The following CLRN2 variants were observed in gnomAD, a reference collection of about 807,000 sequenced individuals.
CLRN2 encodes the protein clarin-2.
Under a neutral mutation model 20.1 loss-of-function variants are expected in CLRN2, and 17 were observed. The ratio of observed to expected loss-of-function variants is 0.85; its 90% CI spans 0.58 to 1.27. The LOEUF (loss-of-function observed/expected upper bound fraction) is 1.27. Among genes scored for constraint, CLRN2 ranks in the 50% most tolerant of loss-of-function variants. The pLI is 0.00. For missense variants in CLRN2, 288 were observed against 299.5 expected (o/e 0.96, Z 0.28); for synonymous variants, 140 against 126.9 (o/e 1.10, Z -0.70).
chr4:17,526,757 C>A, intron 2 of CLRN2, 60 bp from the exon 3 acceptor site: 1 of 1,591,672 alleles, frequency 6.3e-7, no homozygotes, highest in African/African-American at 1.3e-5. Flanking sequence ...CACAGAAATG[C>A]CACCTCTTAC....
At chr4:17,524,936 C>A (rs932415461) in intron 2 of CLRN2, among the ~76,000 whole-genome samples, 4 of 151,888 alleles carry the variant, frequency 2.6e-5, no homozygotes, top group African/African-American at 7.3e-5. Context: ...CAGAGCGAAA[C>A]CTTGTCTCAA....
At chr4:17,523,329 C>G (rs1231372314) in intron 2 of CLRN2, among the ~76,000 whole-genome samples, 1 of 151,848 alleles carries the variant, frequency 6.6e-6, no homozygotes, top group Non-Finnish European at 1.5e-5. Context: ...ATCTTCCCAC[C>G]TCAGGCCCCC....
chr4:17,527,003 C>T lies in CLRN2; in HGVS notation c.620C>T (p.Ala207Val), dbSNP rs756946847. The part of the protein sequence containing the change: ...SAHAANLVVV[A>V]ISQIPLPEIK... ...CATGCTGCAAACTTGGTCGTGGTGG[C>T]GATCAGTCAAATTCCCCTCCCTGAG... The change falls in exon 3 of 3, where the codon GCG becomes GTG. Residue 207 changes from alanine (A) to valine (V), a missense_variant. Transcript: ENST00000511148. 9.7e-5 allele frequency: 156 copies of T among 1,613,788 alleles called. No individual in the cohort carries two copies. Among genetic ancestry groups the T allele is most frequent in the South Asian group, 9.4e-4 (86 of 91,080 alleles).
chr4:17,517,657 A>C (rs1310896155), intron 1 of CLRN2, among the ~76,000 whole-genome samples: 1 of 152,168 alleles, frequency 6.6e-6, no homozygotes, highest in African/African-American at 2.4e-5. Context: ...CCCTGGGTTC[A>C]TCTAACGTGG....
At chr4:17,516,565 A>T (rs1322578746) in intron 1 of CLRN2, among the ~76,000 whole-genome samples, 1 of 152,194 alleles carries the variant, frequency 6.6e-6, no homozygotes, top group Non-Finnish European at 1.5e-5. Context: ...GACAAATATA[A>T]TACAAATTGT....
chr4:17,521,009 T>G (rs1269191007), intron 1 of CLRN2, among the ~76,000 whole-genome samples: 1 of 151,860 alleles, frequency 6.6e-6, no homozygotes, highest in Non-Finnish European at 1.5e-5. Context: ...CAGAACAAGA[T>G]TCTGTCTTTA....
rs200144103 is a variant in CLRN2 at position 17,515,502 on chromosome 4, G to T, written c.236G>T (p.Arg79Leu). The T allele has an allele frequency of 4.6e-5, 74 of 1,613,776 alleles. No homozygotes were observed. In the East Asian group the frequency reaches 1.6e-3, roughly 36 times the overall value. ...CKVRQCGLGG[R>L]QSQFTIFPHL... Reference sequence around the variant, plus strand: ...GTGCGGCAGTGTGGGCTTGGGGGCCGCCAATCCCAATTCACGAGTGAGTAT... The same window carrying T: ...GTGCGGCAGTGTGGGCTTGGGGGCCTCCAATCCCAATTCACGAGTGAGTAT... Residue 79 changes from arginine to leucine, a missense_variant, in exon 1 of 3, where the codon CGC becomes CTC. Arg to Leu is a moderately radical substitution (Grantham distance 102). Coordinates refer to ENST00000511148, the MANE Select transcript of CLRN2 (RefSeq NM_001079827.2).
chr4:17,522,099 T>A (rs1195870508), intron 1 of CLRN2, among the ~76,000 whole-genome samples: 1 of 152,230 alleles, frequency 6.6e-6, no homozygotes, highest in African/African-American at 2.4e-5. Context: ...CCTGTGGGTA[T>A]AAGGAGTTTA....
Position 17,522,904 on chromosome 4 carries a change from T to C in CLRN2, c.294T>C (p.His98=), listed in dbSNP as rs2109002869. The change falls in exon 2 of 3, where the codon CAT becomes CAC. Residue 98 remains histidine, a synonymous_variant. Transcript: ENST00000511148. ...TGAAGGAGCTCAACGCAGGCCTTCA[T>C]GTGATGATTCTGCTGCTCCTCTTCC... The part of the protein sequence containing the change: ...HLVKELNAGL[H]VMILLLLFLA... The C allele has an allele frequency of 6.2e-7, 1 of 1,613,994 alleles. No homozygotes were observed. Among genetic ancestry groups the C allele is most frequent in the East Asian group, 2.2e-5 (1 of 44,878 alleles).
At chr4:17,516,839 G>C (rs1711687685) in intron 1 of CLRN2, among the ~76,000 whole-genome samples, 1 of 152,178 alleles carries the variant, frequency 6.6e-6, no homozygotes, top group Non-Finnish European at 1.5e-5. Context: ...GGACTTTAGG[G>C]GTCAAGAAAA....
At chr4:17,526,351 G>C (rs1711974399) in intron 2 of CLRN2, among the ~76,000 whole-genome samples, 1 of 152,194 alleles carries the variant, frequency 6.6e-6, no homozygotes, top group Admixed American at 6.5e-5. Context: ...CTTGAGGTGA[G>C]GAGTTCGAGA....
At chr4:17,515,582 G>A in intron 1 of CLRN2, 63 bp downstream of exon 1, 3 of 1,555,442 alleles carry the variant, frequency 1.9e-6, no homozygotes, top group Non-Finnish European at 2.6e-6. Flanking sequence ...GTGTAAGAGT[G>A]CTTATGTCTC....
Position 17,526,860 on chromosome 4 carries a change from GA to G in CLRN2, c.480del (p.Lys160AsnfsTer5). ...LAIASFVAAV[K>X]FHDLTERIAN... ...CCATCGCCAGCTTCGTGGCTGCGGT[GA>G]AATTTCACGACCTGACGGAACGAAT... On this transcript the variant is annotated frameshift_variant, in exon 3 of 3. Transcript: ENST00000511148. LOFTEE classifies it high-confidence loss of function. 1 of 1,614,004 alleles carries G rather than the reference GA, an allele frequency of 6.2e-7. No homozygotes were observed. Among genetic ancestry groups the G allele is most frequent in the South Asian group, 1.1e-5 (1 of 91,086 alleles).
chr4:17,515,471 T>A lies in CLRN2; in HGVS notation c.205T>A (p.Cys69Ser), dbSNP rs1711634760. Residue 69 changes from cysteine (C) to serine (S), a missense_variant, in exon 1 of 3, where the codon TGT (cysteine) becomes AGT (serine). Physicochemically the swap from Cys to Ser is moderately radical, Grantham distance 112 (BLOSUM62 -1). Coordinates refer to ENST00000511148, the MANE Select transcript of CLRN2 (RefSeq NM_001079827.2). The part of the protein sequence containing the change: ...GDIYYGLFRG[C>S]KVRQCGLGGR... Reference sequence around the variant, plus strand: ...CATTTACTACGGGCTCTTCCGAGGGTGTAAAGTGCGGCAGTGTGGGCTTGG... The same window carrying A: ...CATTTACTACGGGCTCTTCCGAGGGAGTAAAGTGCGGCAGTGTGGGCTTGG... 1.2e-6 allele frequency: 2 copies of A among 1,613,838 alleles called. No individual in the cohort carries two copies. The highest frequency in any genetic ancestry group is 2.7e-5 in the African/African-American group (2 of 74,984).
intron 2 of CLRN2, among the ~76,000 whole-genome samples, chr4:17,526,607 T>A (rs980244358): frequency 6.6e-6 from 1 of 152,210 alleles, no homozygotes; most frequent in Non-Finnish European, 1.5e-5. Context: ...TCAAAGCTGA[T>A]AAAGCAGATC....
At chr4:17,515,801 T>C (rs2109001002) in intron 1 of CLRN2, among the ~76,000 whole-genome samples, 1 of 152,300 alleles carries the variant, frequency 6.6e-6, no homozygotes, top group South Asian at 2.1e-4. Flanking sequence ...ATATTGAGAG[T>C]TTACACGTGT....
chr4:17,518,419 C>T (rs1711746601), intron 1 of CLRN2, among the ~76,000 whole-genome samples: 1 of 152,186 alleles, frequency 6.6e-6, no homozygotes, highest in Admixed American at 6.5e-5. Context: ...AGACCAGGCT[C>T]TTAAGAAAAC....
intron 1 of CLRN2, among the ~76,000 whole-genome samples, chr4:17,515,971 C>T (rs1419723461): frequency 2.0e-5 from 3 of 152,270 alleles, no homozygotes; most frequent in Non-Finnish European, 4.4e-5. Flanking sequence ...ACAGTAGAGC[C>T]GGACTCCAGA....
rs1711866343 is a variant in CLRN2, at chr4:17,522,878, G to A, written c.268G>A (p.Val90Met). ...QSQFTIFPHL[V>M]KELNAGLHVM... ...TGTCTCCCCAGTCTTCCCACACCTG[G>A]TGAAGGAGCTCAACGCAGGCCTTCA... The change falls in exon 2 of 3, where the codon GTG (valine) becomes ATG (methionine). Residue 90 changes from valine (V) to methionine (M), a missense_variant. Transcript: ENST00000511148. 5 of 1,613,756 alleles carry A rather than the reference G, an allele frequency of 3.1e-6. 1 individual carries two copies. The highest frequency in any genetic ancestry group is 1.1e-5 in the South Asian group (1 of 91,040).
Sources: allele counts gnomAD v4.1 joint callset (sites outside exome capture counted in the v4.1 genomes callset), GRCh38; gene constraint gnomAD v4.1.1; transcripts MANE v1.5; gene names NCBI Gene and HGNC (gene_info 2026-07-23, HGNC 2026-07-21).